The following AHCYL2 variants were observed in gnomAD, a reference collection of about 807,000 sequenced individuals.
AHCYL2 encodes the protein adenosylhomocysteinase like 2.
Under a neutral mutation model 81.4 loss-of-function variants are expected in AHCYL2, and 28 were observed. The observed-to-expected ratio is 0.34, with a 90% CI of 0.25 to 0.47. AHCYL2 has a LOEUF of 0.47. AHCYL2 is among the 20% of genes least tolerant of loss of function. The pLI, the probability that AHCYL2 is intolerant of heterozygous loss-of-function variation, is 1.00. For missense variants in AHCYL2, 551 were observed against 785.1 expected (o/e 0.70, Z 3.56); for synonymous variants, 272 against 290.2 (o/e 0.94, Z 0.64).
Position 129,388,994 on chromosome 7 carries a change from G to C in AHCYL2, c.476-62G>C, listed in dbSNP as rs1795329523. On this transcript the variant is annotated intron_variant, in intron 2 of 16. Coordinates refer to ENST00000325006, the MANE Select transcript of AHCYL2 (RefSeq NM_015328.4). Reference sequence around the variant, plus strand: ...CTAGAGAAGCTTCAGTTTGCTCCATGGTTTGGAATTTTAGAGGAAGCATTT... The same window carrying C: ...CTAGAGAAGCTTCAGTTTGCTCCATCGTTTGGAATTTTAGAGGAAGCATTT... 3.2e-6 allele frequency: 5 copies of C among 1,586,216 alleles called. No homozygotes were observed. In the East Asian group the frequency reaches 1.1e-4, roughly 36 times the overall value.
intron 1 of AHCYL2, among the ~76,000 whole-genome samples, chr7:129,244,026 T>C (rs1391365531): frequency 1.3e-5 from 2 of 151,940 alleles, no homozygotes; most frequent in Non-Finnish European, 2.9e-5. Context: ...GGGGACAGTA[T>C]CTTGCTGTGT....
At chr7:129,302,418 G>C (rs1007882129) in intron 1 of AHCYL2, among the ~76,000 whole-genome samples, 1 of 152,176 alleles carries the variant, frequency 6.6e-6, no homozygotes, top group African/African-American at 2.4e-5. Context: ...AGTGGTGAAA[G>C]TGGGCATTGT....
chr7:129,362,890 A>G (rs1793983443), intron 1 of AHCYL2, among the ~76,000 whole-genome samples: 1 of 152,078 alleles, frequency 6.6e-6, no homozygotes, highest in Non-Finnish European at 1.5e-5. Flanking sequence ...CCATTATAGT[A>G]ACATCTTCAC....
intron 1 of AHCYL2, among the ~76,000 whole-genome samples, chr7:129,363,966 C>T (rs1794018176): frequency 6.6e-6 from 1 of 152,012 alleles, no homozygotes; most frequent in South Asian, 2.1e-4. Context: ...CACGGTGGCT[C>T]ATGTCTGTAA....
intron 1 of AHCYL2, among the ~76,000 whole-genome samples, chr7:129,237,322 T>A (rs1301248471): frequency 6.6e-6 from 1 of 152,236 alleles, no homozygotes; most frequent in Non-Finnish European, 1.5e-5. Flanking sequence ...TAGCTCTATT[T>A]GTTCCCAAAT....
chr7:129,420,477 C>CTTTT (rs11414828), intron 12 of AHCYL2, among the ~76,000 whole-genome samples: 3 of 126,824 alleles, frequency 2.4e-5, no homozygotes, highest in African/African-American at 5.8e-5. Flanking sequence ...TGCTTAAATT[C>CTTTT]TTTTTTTTTT....
At chr7:129,285,228 C>T (rs1012754109) in intron 1 of AHCYL2, among the ~76,000 whole-genome samples, 4 of 152,176 alleles carry the variant, frequency 2.6e-5, no homozygotes, top group African/African-American at 9.7e-5. Flanking sequence ...CTAGCATCAG[C>T]TATGGTTAGG....
chr7:129,349,843 G>A (rs919473926), intron 1 of AHCYL2, among the ~76,000 whole-genome samples: 10 of 152,014 alleles, frequency 6.6e-5, no homozygotes, highest in Non-Finnish European at 1.0e-4. Context: ...TTTGGGAAAA[G>A]GGGAGAATAG....
chr7:129,357,434 ATG>A (rs1793769778), intron 1 of AHCYL2, among the ~76,000 whole-genome samples: 1 of 152,184 alleles, frequency 6.6e-6, no homozygotes, highest in South Asian at 2.1e-4. Flanking sequence ...TCAAAAGAAA[ATG>A]TTTTTTATTA....
Position 129,419,744 on chromosome 7 carries a change from A to C in AHCYL2, c.1462-3096A>C, listed in dbSNP as rs575611166. Among the ~76,000 whole-genome samples the C allele has an allele frequency of 6.6e-6, 1 of 152,104 alleles. No individual in the cohort carries two copies. Among genetic ancestry groups the C allele is most frequent in the East Asian group, 1.9e-4 (1 of 5,182 alleles). Reference sequence around the variant, plus strand: ...CAGTTGTTCTCCCTGAAAAAAAAAAAACAAAAAAAAACCGGATATGCACTG... The same window carrying C: ...CAGTTGTTCTCCCTGAAAAAAAAAACACAAAAAAAAACCGGATATGCACTG... On this transcript the variant is annotated intron_variant, in intron 12 of 16. Transcript: ENST00000325006. This position sits in a 1 kb window ranked among gnomAD's most constrained non-coding sequence, Gnocchi z 4.7.
chr7:129,318,879 TA>T (rs1797917140), intron 1 of AHCYL2, among the ~76,000 whole-genome samples: 1 of 152,036 alleles, frequency 6.6e-6, no homozygotes, highest in African/African-American at 2.4e-5. Flanking sequence ...GAGATTTTGG[TA>T]CACCCATCAC....
intron 1 of AHCYL2, among the ~76,000 whole-genome samples, chr7:129,321,570 T>G (rs1798013305): frequency 6.6e-6 from 1 of 152,198 alleles, no homozygotes; most frequent in African/African-American, 2.4e-5. Context: ...TAAAAATTTG[T>G]TAAGAACTTT....
intron 1 of AHCYL2, among the ~76,000 whole-genome samples, chr7:129,301,724 C>T (rs1442680655): frequency 1.3e-5 from 2 of 152,150 alleles, no homozygotes; most frequent in African/African-American, 4.8e-5. Flanking sequence ...GTCTATGTGT[C>T]TGTTTTTATG....
Position 129,426,957 on chromosome 7 carries a change from T to TA in AHCYL2, c.1830-81dup, listed in dbSNP as rs1166064869. 3 of 1,431,220 alleles carry TA rather than the reference T, an allele frequency of 2.1e-6. No homozygotes were observed. The highest frequency in any genetic ancestry group is 2.9e-6 in the Non-Finnish European group (3 of 1,021,866). 88.7% of individuals were successfully genotyped at this position (1,431,220 alleles called of 1,614,324 possible). ...TCCAGAAAAGTCTCTGCCTCCCTGTTACACCTTTAGGCAGGCTCTTCATGT... is the reference window on the plus strand; with the variant it reads ...TCCAGAAAAGTCTCTGCCTCCCTGTTAACACCTTTAGGCAGGCTCTTCATGT... On this transcript the variant is annotated intron_variant, in intron 16 of 16. Coordinates refer to ENST00000325006, the MANE Select transcript of AHCYL2 (RefSeq NM_015328.4). The surrounding 1 kb of genome is among the most constrained non-coding windows in gnomAD (Gnocchi z 4.3).
At chr7:129,360,338 A>T (rs1158900950) in intron 1 of AHCYL2, among the ~76,000 whole-genome samples, 1 of 150,726 alleles carries the variant, frequency 6.6e-6, no homozygotes, top group East Asian at 1.9e-4. Context: ...CTGGTCTCGA[A>T]CTCCCGACCT....
At chr7:129,326,121 T>C (rs1798215327) in intron 1 of AHCYL2, among the ~76,000 whole-genome samples, 1 of 152,254 alleles carries the variant, frequency 6.6e-6, no homozygotes, top group South Asian at 2.1e-4. Context: ...AACATTTGTA[T>C]ACAAAAATAT....
intron 1 of AHCYL2, among the ~76,000 whole-genome samples, chr7:129,234,961 G>T (rs1301650592): frequency 6.6e-6 from 1 of 152,146 alleles, no homozygotes; most frequent in African/African-American, 2.4e-5. Context: ...TCACAGGCAT[G>T]CTTCTTAAAG....
At chr7:129,403,670 T>C (rs1796140603) in intron 7 of AHCYL2, among the ~76,000 whole-genome samples, 185 bp downstream of exon 7, 1 of 151,890 alleles carries the variant, frequency 6.6e-6, no homozygotes, top group South Asian at 2.1e-4. Flanking sequence ...AAGACCATCC[T>C]GGCTAACACG....
At chr7:129,350,714 C>CTTTTTTTTTTTT (rs56115169) in intron 1 of AHCYL2, among the ~76,000 whole-genome samples, 3 of 122,144 alleles carry the variant, frequency 2.5e-5, no homozygotes, top group Non-Finnish European at 3.4e-5. Context: ...TTCTTTCTTT[C>CTTTTTTTTTTTT]TTTTTTTTTT....
Sources: allele counts gnomAD v4.1 joint callset (sites outside exome capture counted in the v4.1 genomes callset), GRCh38; gene constraint gnomAD v4.1.1; non-coding constraint Gnocchi (gnomAD v3.1); transcripts MANE v1.5; gene names NCBI Gene and HGNC (gene_info 2026-07-23, HGNC 2026-07-21).